The following AGBL4 variants were observed in gnomAD, a reference collection of about 807,000 sequenced individuals.
AGBL4 encodes the protein AGBL carboxypeptidase 4, also known as cytosolic carboxypeptidase 6.
In AGBL4, 58 loss-of-function variants were observed where a neutral mutation model predicts 66.4. The ratio of observed to expected loss-of-function variants is 0.87; its 90% CI spans 0.71 to 1.09. AGBL4 has a LOEUF of 1.09. Among genes scored for constraint, AGBL4 ranks in the 50% least tolerant of loss-of-function variants. The probability of loss-of-function intolerance (pLI) is 0.00; values close to 1 mark genes in which losing one functional copy is unlikely to be tolerated. For missense variants in AGBL4, 579 were observed against 631.0 expected, an observed-to-expected ratio of 0.92 and a Z score of 0.88; for synonymous variants, 234 against 222.9, an observed-to-expected ratio of 1.05 and a Z score of -0.44.
chr1:49,419,548 C>T (rs1202701471), intron 3 of AGBL4, among the ~76,000 whole-genome samples: 1 of 152,162 alleles, frequency 6.6e-6, no homozygotes, highest in Non-Finnish European at 1.5e-5. Flanking sequence ...CTGGGACCCA[C>T]CAGTCATCTC....
intron 3 of AGBL4, among the ~76,000 whole-genome samples, chr1:49,682,400 C>A (rs1646712467): frequency 6.6e-6 from 1 of 151,960 alleles, no homozygotes; most frequent in Non-Finnish European, 1.5e-5. Context: ...GAGACTCCGT[C>A]CCCCCAGAAA....
At chr1:49,891,554 G>A (rs1395459705) in intron 1 of AGBL4, among the ~76,000 whole-genome samples, 1 of 152,130 alleles carries the variant, frequency 6.6e-6, no homozygotes, top group Non-Finnish European at 1.5e-5. Context: ...ATAGTCCAAG[G>A]TTGAGGCATC....
chr1:49,934,365 C>T (rs904179481), intron 1 of AGBL4, among the ~76,000 whole-genome samples: 1 of 152,168 alleles, frequency 6.6e-6, no homozygotes, highest in Non-Finnish European at 1.5e-5. Context: ...ACACATGGAA[C>T]ATTCTCTATA....
At chr1:49,503,234 T>G (rs1263481496) in intron 3 of AGBL4, among the ~76,000 whole-genome samples, 2 of 152,060 alleles carry the variant, frequency 1.3e-5, no homozygotes, top group Non-Finnish European at 2.9e-5. Flanking sequence ...CCATGTGGTG[T>G]TTTTCCTGTG....
At chr1:48,632,314 C>T (rs979318810) in intron 9 of AGBL4, among the ~76,000 whole-genome samples, 3 of 152,200 alleles carry the variant, frequency 2.0e-5, no homozygotes, top group Non-Finnish European at 2.9e-5. Context: ...GTATTCATGA[C>T]GCAAATCATT....
chr1:48,878,979 C>G (rs1294298033), intron 5 of AGBL4, among the ~76,000 whole-genome samples: 1 of 152,020 alleles, frequency 6.6e-6, no homozygotes, highest in South Asian at 2.1e-4. Flanking sequence ...AGACTTTCTA[C>G]AAAAAATTGC....
chr1:49,977,509 C>A (rs1658666410), intron 1 of AGBL4, among the ~76,000 whole-genome samples: 1 of 152,218 alleles, frequency 6.6e-6, no homozygotes, highest in Admixed American at 6.5e-5. Flanking sequence ...CACTGAAGGA[C>A]CAGACGGTAT....
chr1:49,822,666 C>T (rs1377677941), intron 2 of AGBL4, among the ~76,000 whole-genome samples: 1 of 152,154 alleles, frequency 6.6e-6, no homozygotes, highest in Non-Finnish European at 1.5e-5. Context: ...CAAATTTATA[C>T]ATAAGTATGA....
chr1:48,682,202 A>G (rs1262579835), intron 6 of AGBL4, among the ~76,000 whole-genome samples: 1 of 152,198 alleles, frequency 6.6e-6, no homozygotes, highest in African/African-American at 2.4e-5. Context: ...GGTCTTCAGA[A>G]CTGTGAGAAA....
chr1:48,661,513 C>T (rs374982622), intron 7 of AGBL4, among the ~76,000 whole-genome samples: 75 of 152,320 alleles, frequency 4.9e-4, no homozygotes, highest in African/African-American at 1.7e-3. Flanking sequence ...GAGAAGCCAG[C>T]GGGCAGGCAT....
intron 1 of AGBL4, among the ~76,000 whole-genome samples, chr1:49,987,408 TA>T (rs1270936047): frequency 6.6e-6 from 1 of 152,062 alleles, no homozygotes; most frequent in African/African-American, 2.4e-5. Flanking sequence ...CAACAGTTTT[TA>T]ACAACTAAAT....
At chr1:49,015,559 A>G (rs1662754948) in intron 5 of AGBL4, among the ~76,000 whole-genome samples, 1 of 151,318 alleles carries the variant, frequency 6.6e-6, no homozygotes, top group Non-Finnish European at 1.5e-5. Flanking sequence ...AGTAGCTGGG[A>G]CTACAGGCGC....
At chr1:48,827,624 C>A (rs1646454692) in intron 6 of AGBL4, among the ~76,000 whole-genome samples, 1 of 152,196 alleles carries the variant, frequency 6.6e-6, no homozygotes, top group South Asian at 2.1e-4. Flanking sequence ...AACATAATTT[C>A]TTGAGTAACT....
At chr1:49,520,072 C>T (rs1280628971) in intron 3 of AGBL4, among the ~76,000 whole-genome samples, 1 of 152,018 alleles carries the variant, frequency 6.6e-6, no homozygotes, top group East Asian at 1.9e-4. Flanking sequence ...CTACTACTCC[C>T]TTGGCAATGC....
chr1:49,919,196 A>G (rs916381721), intron 1 of AGBL4, among the ~76,000 whole-genome samples: 3 of 152,160 alleles, frequency 2.0e-5, no homozygotes, highest in African/African-American at 7.2e-5. Context: ...GACCTCTCTC[A>G]CCACTCCTAT....
At chr1:48,960,018 AAAAT>A (rs1213362691) in intron 5 of AGBL4, among the ~76,000 whole-genome samples, 4 of 152,198 alleles carry the variant, frequency 2.6e-5, no homozygotes, top group African/African-American at 9.7e-5. Context: ...TTTCAGGTGT[AAAAT>A]AAATCATAGT....
chr1:49,342,838 A>G (rs1645567068), intron 3 of AGBL4, among the ~76,000 whole-genome samples: 2 of 152,130 alleles, frequency 1.3e-5, no homozygotes, highest in Non-Finnish European at 2.9e-5. Context: ...TCTTATAAAA[A>G]CTGCTTACCA....
At chr1:49,345,277 A>G (rs904318276) in intron 3 of AGBL4, among the ~76,000 whole-genome samples, 12 of 152,188 alleles carry the variant, frequency 7.9e-5, no homozygotes, top group Non-Finnish European at 5.9e-5. Flanking sequence ...TATAATTGTT[A>G]CGTTAAATTA....
rs112937011 is a variant in AGBL4 at position 48,802,727 on chromosome 1, C to A, written c.634+64464G>T. ...CCAATGTCTATGCTCCCAGTAATATCCAGAGCCTGTCTCTAGGCCCTGCCT... is the reference window on the plus strand; with the variant it reads ...CCAATGTCTATGCTCCCAGTAATATACAGAGCCTGTCTCTAGGCCCTGCCT... On this transcript the variant is annotated intron_variant, in intron 6 of 13. Transcript: ENST00000371839. 3.3e-3 allele frequency among the ~76,000 whole-genome samples: 508 copies of A among 152,262 alleles called. 6 individuals are homozygous for A. Among genetic ancestry groups the A allele is most frequent in the African/African-American group, 0.011 (461 of 41,522 alleles).
Sources: allele counts gnomAD v4.1 joint callset (sites outside exome capture counted in the v4.1 genomes callset), GRCh38; gene constraint gnomAD v4.1.1; transcripts MANE v1.5; gene names NCBI Gene and HGNC (gene_info 2026-07-23, HGNC 2026-07-21).